The following RAD51B variants were observed in gnomAD, a reference collection of about 807,000 sequenced individuals.
RAD51B encodes the protein RAD51 paralog B, also known as DNA repair protein RAD51 homolog 2.
RAD51B carries 38 observed loss-of-function variants against 42.2 expected under a neutral mutation model. The ratio of observed to expected loss-of-function variants is 0.90; its 90% CI spans 0.70 to 1.18. RAD51B has a LOEUF of 1.18. RAD51B is among the 50% of genes most tolerant of loss of function. The probability of loss-of-function intolerance (pLI) is 0.00; values close to 1 mark genes in which losing one functional copy is unlikely to be tolerated. For missense variants in RAD51B, 373 were observed against 400.7 expected (o/e 0.93, Z 0.59); for synonymous variants, 154 against 145.2 (o/e 1.06, Z -0.43).
intron 8 of RAD51B, among the ~76,000 whole-genome samples, chr14:68,313,647 T>G (rs1566802211): frequency 6.6e-6 from 1 of 152,158 alleles, no homozygotes; most frequent in African/African-American, 2.4e-5. Context: ...GGCACCCCTC[T>G]TATCTTAGTA....
At chr14:68,006,630 T>A (rs1265862337) in intron 7 of RAD51B, among the ~76,000 whole-genome samples, 1 of 152,120 alleles carries the variant, frequency 6.6e-6, no homozygotes, top group Non-Finnish European at 1.5e-5. Context: ...TTTCATTATA[T>A]AAGGAGTGCA....
intron 10 of RAD51B, among the ~76,000 whole-genome samples, chr14:68,515,078 T>C (rs1263818796): frequency 6.6e-6 from 1 of 152,238 alleles, no homozygotes; most frequent in Non-Finnish European, 1.5e-5. Context: ...ATATTTCTTA[T>C]GTGCTTGTTG....
chr14:68,118,004 A>T (rs111441934), intron 7 of RAD51B, among the ~76,000 whole-genome samples: 5,424 of 152,298 alleles, frequency 0.036, 170 homozygotes, highest in Admixed American at 0.098. Context: ...TATTACCCAA[A>T]TAGATTACTG....
chr14:68,340,710 C>T (rs1330455844), intron 8 of RAD51B, among the ~76,000 whole-genome samples: 1 of 152,202 alleles, frequency 6.6e-6, no homozygotes, highest in Non-Finnish European at 1.5e-5. Flanking sequence ...TGCCTTTTGT[C>T]AGTTGATTTT....
downstream of RAD51B, among the ~76,000 whole-genome samples, chr14:68,612,988 C>A (rs1891730174): frequency 6.6e-6 from 1 of 151,886 alleles, no homozygotes; most frequent in South Asian, 2.1e-4. Flanking sequence ...GTGTGTGTGT[C>A]CCTGCAGGAG....
At chr14:68,609,035 T>G (rs2140104616) in intron 10 of RAD51B, among the ~76,000 whole-genome samples, 1 of 152,252 alleles carries the variant, frequency 6.6e-6, no homozygotes, top group Non-Finnish European at 1.5e-5. Flanking sequence ...ATGTCCACTC[T>G]CTGGCCGCAG....
chr14:68,093,094 C>T (rs1190289864), intron 7 of RAD51B, among the ~76,000 whole-genome samples: 5 of 148,940 alleles, frequency 3.4e-5, no homozygotes, highest in African/African-American at 5.0e-5. Context: ...TTGCTGGATT[C>T]GGTTTGCCAG....
intron 7 of RAD51B, among the ~76,000 whole-genome samples, chr14:67,988,417 C>T (rs2075232754): frequency 6.6e-6 from 1 of 151,926 alleles, no homozygotes. Context: ...CAAGATTGCA[C>T]CACTGCACTG....
chr14:68,657,494 T>C (rs956029735), intron 11 of RAD51B, among the ~76,000 whole-genome samples: 2 of 152,222 alleles, frequency 1.3e-5, no homozygotes, highest in Non-Finnish European at 2.9e-5. Flanking sequence ...CATCATTAAA[T>C]GTAGAGCTGA....
At chr14:67,946,359 G>A (rs7150606) in intron 7 of RAD51B, among the ~76,000 whole-genome samples, 1 of 150,468 alleles carries the variant, frequency 6.6e-6, no homozygotes, top group Non-Finnish European at 1.5e-5. Flanking sequence ...CCTCTTTTTT[G>A]TTGTTGTTGT....
chr14:68,452,857 C>A (rs2085592474), intron 9 of RAD51B, among the ~76,000 whole-genome samples: 1 of 152,108 alleles, frequency 6.6e-6, no homozygotes, highest in African/African-American at 2.4e-5. Flanking sequence ...TTAGAGTACC[C>A]AAAATCATAT....
At chr14:67,955,735 A>G (rs2140217170) in intron 7 of RAD51B, among the ~76,000 whole-genome samples, 1 of 152,350 alleles carries the variant, frequency 6.6e-6, no homozygotes, top group East Asian at 1.9e-4. Context: ...GACAAACACT[A>G]TAGAACAAAG....
intron 7 of RAD51B, among the ~76,000 whole-genome samples, chr14:68,082,012 G>A (rs1295718740): frequency 6.6e-6 from 1 of 151,816 alleles, no homozygotes; most frequent in African/African-American, 2.4e-5. Context: ...CCAGGCTGGA[G>A]TGCAGTGGTG....
intron 8 of RAD51B, among the ~76,000 whole-genome samples, chr14:68,343,265 G>A (rs1340315720): frequency 6.6e-6 from 1 of 152,132 alleles, no homozygotes; most frequent in African/African-American, 2.4e-5. Context: ...TCAGATGTAT[G>A]CCTTGAAAAT....
intron 5 of RAD51B, among the ~76,000 whole-genome samples, chr14:67,873,115 T>C (rs1234106777): frequency 6.6e-6 from 1 of 152,152 alleles, no homozygotes; most frequent in Non-Finnish European, 1.5e-5. Context: ...AAAGAGCTTC[T>C]GCACAGCAAA....
chr14:68,298,379 C>T (rs2081654084), intron 8 of RAD51B, among the ~76,000 whole-genome samples: 2 of 152,190 alleles, frequency 1.3e-5, no homozygotes, highest in South Asian at 4.1e-4. Context: ...GCTTCTTGGT[C>T]AGGAGCTCTG....
rs143395611 is a variant in RAD51B, at chr14:67,959,021, C to T, written c.756+71817C>T. On this transcript the variant is annotated intron_variant, in intron 7 of 10. Coordinates refer to ENST00000471583, the MANE Select transcript of RAD51B (RefSeq NM_133510.4). ...AATCTTTAGGGTTTACTTGCCACAT[C>T]TTCTATTGGAGTCCATTTTTCACAT... 2.9e-3 allele frequency among the ~76,000 whole-genome samples: 446 copies of T among 152,230 alleles called. 4 individuals are homozygous for T. The highest frequency in any genetic ancestry group is 9.6e-3 in the African/African-American group (398 of 41,548).
At chr14:68,524,906 A>T (rs1280701008) in intron 10 of RAD51B, among the ~76,000 whole-genome samples, 2 of 152,242 alleles carry the variant, frequency 1.3e-5, no homozygotes, top group African/African-American at 4.8e-5. Context: ...AATGTTCGTG[A>T]TAGGGGTTTC....
At chr14:68,119,988 C>T (rs1566659752) in intron 7 of RAD51B, among the ~76,000 whole-genome samples, 1 of 152,010 alleles carries the variant, frequency 6.6e-6, no homozygotes, top group Admixed American at 6.6e-5. Flanking sequence ...CTGTTGTTTC[C>T]TGACTTTTTA....
Sources: allele counts gnomAD v4.1 joint callset (sites outside exome capture counted in the v4.1 genomes callset), GRCh38; gene constraint gnomAD v4.1.1; transcripts MANE v1.5; gene names NCBI Gene and HGNC (gene_info 2026-07-23, HGNC 2026-07-21).